PTCH1: variants seen among roughly 807,000 people sequenced by gnomAD.
PTCH1 encodes patched 1.
A neutral mutation model predicts 144.6 loss-of-function variants in PTCH1; 14 were observed. The ratio of observed to expected loss-of-function variants is 0.10; its 90% CI spans 0.06 to 0.15. PTCH1 has a LOEUF of 0.15. Ranked by LOEUF, PTCH1 falls within the 10% of genes least tolerant of loss-of-function variation. The pLI, the probability that PTCH1 is intolerant of heterozygous loss-of-function variation, is 1.00. For missense variants in PTCH1, 1,623 were observed against 1,948.3 expected (o/e 0.83, Z 3.14); for synonymous variants, 833 against 793.6 (o/e 1.05, Z -0.83).
At chr9:95,485,995 G>T in intron 2 of PTCH1, 121 bp from the exon 3 acceptor site, 1 of 1,078,574 alleles carries the variant, frequency 9.3e-7, no homozygotes, top group Non-Finnish European at 1.4e-6. Context: ...GAGACTGGCT[G>T]ATGTGTGAGC....
intron 2 of PTCH1, among the ~76,000 whole-genome samples, chr9:95,501,809 C>T (rs1418212877): frequency 3.9e-5 from 6 of 152,134 alleles, no homozygotes; most frequent in South Asian, 2.1e-4. Flanking sequence ...GAAATAGATA[C>T]TGAGGGAGAT....
chr9:95,492,190 A>G lies in PTCH1; in HGVS notation c.395-6316T>C, dbSNP rs532296039. ...TACAGTAACCTCTCAGTGAAAACAC[A>G]GCATTGCAGGTGGAGACCGGAAGCT... On this transcript the variant is annotated intron_variant, in intron 2 of 23. Coordinates refer to ENST00000331920, the MANE Select transcript of PTCH1 (RefSeq NM_000264.5). Among the ~76,000 whole-genome samples, 263 of 152,362 alleles carry G rather than the reference A, an allele frequency of 1.7e-3. 1 individual carries two copies. Among genetic ancestry groups the G allele is most frequent in the African/African-American group, 6.0e-3 (248 of 41,582 alleles).
rs759646212 is a variant in PTCH1, at chr9:95,446,596, C to T, written c.*2-205G>A. The T allele has an allele frequency of 2.1e-4, 101 of 481,764 alleles. 2 individuals carry two copies. Among genetic ancestry groups the T allele is most frequent in the Non-Finnish European group, 2.9e-4 (74 of 258,872 alleles). The allele number at this position is 481,764 out of a possible 1,614,324, so 29.8% of individuals were successfully genotyped here. On this transcript the variant is annotated intron_variant, in intron 23 of 23. Transcript: ENST00000331920. ...CGGATGCGTTCCCATGTGACCAATTCGCTGTGGCATGCACCTCCATAAAGA... is the reference window on the plus strand; with the variant it reads ...CGGATGCGTTCCCATGTGACCAATTTGCTGTGGCATGCACCTCCATAAAGA...
exon 1 of PTCH1, chr9:95,516,736 C>T (rs745875102): frequency 6.2e-7 from 1 of 1,613,138 alleles, no homozygotes; most frequent in Non-Finnish European, 8.5e-7. Context: ...GTGTAAAAAC[C>T]CCGGCGCGCT....
intron 9 of PTCH1, 123 bp from the exon 10 acceptor site, chr9:95,477,825 CT>C: frequency 6.7e-7 from 1 of 1,487,528 alleles, no homozygotes; most frequent in Non-Finnish European, 9.2e-7. Context: ...AACAACAAAA[CT>C]TTACATCAAG....
At position 95,467,373 on chromosome 9, in the gene PTCH1, G is replaced by A. The variant is rs878853850; in HGVS notation, c.2303C>T (p.Thr768Ile). 5 of 1,614,198 alleles carry A rather than the reference G, an allele frequency of 3.1e-6. No homozygotes were observed. In the East Asian group the frequency reaches 6.7e-5, roughly 22 times the overall value. ...LGLLGVSLYG[T>I]TRVRDGLDLT... Reference sequence around the variant, plus strand: ...GTCCAGCCCGTCTCTCACTCGGGTGGTGCCATAAAGGCTGACCCCCAGCAA... The same window carrying A: ...GTCCAGCCCGTCTCTCACTCGGGTGATGCCATAAAGGCTGACCCCCAGCAA... Residue 768 changes from threonine (T) to isoleucine (I), a missense_variant, in exon 15 of 24, where the codon ACC (threonine) becomes ATC (isoleucine). Coordinates refer to ENST00000331920, the MANE Select transcript of PTCH1 (RefSeq NM_000264.5).
At chr9:95,456,207 G>A (rs2136645972) in intron 19 of PTCH1, 69 bp downstream of exon 19, 1 of 1,600,336 alleles carries the variant, frequency 6.2e-7, no homozygotes, top group South Asian at 1.1e-5. Context: ...GTTCCCACTT[G>A]GAGACAAACA....
At chr9:95,511,216 G>C (rs1457510250), upstream of PTCH1, among the ~76,000 whole-genome samples, 1 of 151,214 alleles carries the variant, frequency 6.6e-6, no homozygotes, top group East Asian at 1.9e-4. Context: ...CCCGTCCGCC[G>C]GCTCTCCCCG....
At chr9:95,447,653 T>C (rs1324565651) in intron 22 of PTCH1, among the ~76,000 whole-genome samples, 1 of 152,260 alleles carries the variant, frequency 6.6e-6, no homozygotes, top group East Asian at 1.9e-4. Flanking sequence ...TTGAAAATCC[T>C]GTTTCCAGGC....
At position 95,467,108 on chromosome 9, in the gene PTCH1, C is replaced by T. The variant is rs201541845; in HGVS notation, c.2560+8G>A. On this transcript the variant is annotated splice_region_variant and intron_variant, in intron 15 of 23. Coordinates refer to ENST00000331920, the MANE Select transcript of PTCH1 (RefSeq NM_000264.5). ...CCGAAAGGACGAGAGCCTCCCACGC[C>T]GTCTTACCCTGAAGCCAGTCTCTGA... 1,759 of 1,613,888 alleles carry T rather than the reference C, an allele frequency of 1.1e-3. No homozygotes were observed. Among genetic ancestry groups the T allele is most frequent in the Non-Finnish European group, 1.4e-3 (1,656 of 1,179,914 alleles).
At chr9:95,512,565 C>T (rs902255983), upstream of PTCH1, among the ~76,000 whole-genome samples, 8 of 152,166 alleles carry the variant, frequency 5.3e-5, no homozygotes, top group African/African-American at 1.4e-4. Context: ...CTGATGCATG[C>T]GAGTGCGACA....
intron 1 of PTCH1, among the ~76,000 whole-genome samples, chr9:95,516,243 T>G (rs1322719943): frequency 6.8e-6 from 1 of 147,986 alleles, no homozygotes; most frequent in Non-Finnish European, 1.5e-5. Context: ...GGCCCGGGCG[T>G]GCGAGCGAGC....
At chr9:95,497,661 C>T (rs962627008) in intron 2 of PTCH1, among the ~76,000 whole-genome samples, 8 of 152,224 alleles carry the variant, frequency 5.3e-5, no homozygotes, top group Admixed American at 5.2e-4. Flanking sequence ...GACAAGAGCG[C>T]TCTTCCTGTC....
intron 15 of PTCH1, among the ~76,000 whole-genome samples, chr9:95,466,494 G>A (rs906401267): frequency 3.9e-5 from 6 of 152,206 alleles, no homozygotes; most frequent in Non-Finnish European, 8.8e-5. Flanking sequence ...ATAATGTGCA[G>A]GTTCATCAGC....
At chr9:95,486,276 C>T (rs1207018269) in intron 2 of PTCH1, among the ~76,000 whole-genome samples, 1 of 152,246 alleles carries the variant, frequency 6.6e-6, no homozygotes, top group Non-Finnish European at 1.5e-5. Context: ...TCAATTTACA[C>T]TCTTCTCCTA....
chr9:95,446,590 C>G (rs907164457), intron 23 of PTCH1, 199 bp from the exon 24 acceptor site: 7 of 470,484 alleles, frequency 1.5e-5, no homozygotes, highest in South Asian at 1.2e-4. Flanking sequence ...TCCCATGTGA[C>G]CAATTCGCTG....
intron 1 of PTCH1, among the ~76,000 whole-genome samples, chr9:95,515,463 A>T (rs764492492): frequency 9.2e-5 from 14 of 152,318 alleles, no homozygotes; most frequent in Middle Eastern, 3.4e-3. Context: ...GGTTCTTCTT[A>T]GGTGATGGAA....
chr9:95,449,242 G>A lies in PTCH1; in HGVS notation c.3631C>T (p.Pro1211Ser), dbSNP rs139495263. 43 of 1,581,312 alleles carry A rather than the reference G, an allele frequency of 2.7e-5. No individual in the cohort carries two copies. The highest frequency in any genetic ancestry group is 1.7e-4 in the Middle Eastern group (1 of 6,046). Residue 1211 changes from proline to serine, a missense_variant, in exon 22 of 24, where the codon CCC becomes TCC. Coordinates refer to ENST00000331920, the MANE Select transcript of PTCH1 (RefSeq NM_000264.5). This position sits in a 1 kb window ranked among gnomAD's most constrained non-coding sequence, Gnocchi z 5.3. ...PPSVVRFAMP[P>S]GHTHSGSDSS... ...TCAGACCCGCTGTGCGTGTGGCCGG[G>A]CGGCATGGCGAAGCGGACCACGCTG...
At position 95,446,335 on chromosome 9, in the gene PTCH1, G is replaced by A. The variant is rs1315502454; in HGVS notation, c.*58C>T. On this transcript the variant is annotated 3_prime_UTR_variant, in exon 24 of 24. Transcript: ENST00000331920. ...AGTTCTCTTCAAGCAGTTCTGGAAAGAGGTGGGGGTGGGGGGTTTCCAATC... is the reference window on the plus strand; with the variant it reads ...AGTTCTCTTCAAGCAGTTCTGGAAAAAGGTGGGGGTGGGGGGTTTCCAATC... 1 of 517,180 alleles carries A rather than the reference G, an allele frequency of 1.9e-6. No individual in the cohort carries two copies. Among genetic ancestry groups the A allele is most frequent in the African/African-American group, 1.9e-5 (1 of 51,850 alleles). 32.0% of individuals were successfully genotyped at this position (517,180 alleles called of 1,614,324 possible).
Sources: gnomAD v4.1 joint callset for allele counts (sites outside exome capture counted in the v4.1 genomes callset) on GRCh38, gnomAD v4.1.1 for gene constraint, Gnocchi (gnomAD v3.1) non-coding constraint, MANE v1.5 for transcripts, NCBI Gene and HGNC (gene_info 2026-07-23, HGNC 2026-07-21) for gene names.